The following ELP4 variants were observed in gnomAD, a reference collection of about 807,000 sequenced individuals.
ELP4 encodes the protein elongator acetyltransferase complex subunit 4, also known as elongator complex protein 4.
Under a neutral mutation model 48.9 loss-of-function variants are expected in ELP4, and 51 were observed. The ratio of observed to expected loss-of-function variants is 1.04; its 90% confidence interval spans 0.83 to 1.32. The LOEUF is 1.32. Ranked by LOEUF, ELP4 falls within the 40% of genes most tolerant of loss-of-function variation. The probability of loss-of-function intolerance (pLI) is 0.00; values close to 1 mark genes in which losing one functional copy is unlikely to be tolerated. For synonymous variants in ELP4, 210 were observed against 189.2 expected (o/e 1.11, Z -0.90); for missense variants, 519 against 514.6 (o/e 1.01, Z -0.08).
intron 5 of ELP4, among the ~76,000 whole-genome samples, chr11:31,611,705 G>A (rs1053110683): frequency 6.6e-6 from 1 of 152,192 alleles, no homozygotes; most frequent in African/African-American, 2.4e-5. Context: ...ATTATGCTAA[G>A]TTCTAGATTA....
intron 9 of ELP4, among the ~76,000 whole-genome samples, chr11:31,720,455 C>A (rs559851518): frequency 7.0e-4 from 106 of 152,134 alleles, no homozygotes; most frequent in Middle Eastern, 3.4e-3. Flanking sequence ...TGGTAACCCG[C>A]TGATGCAGGC....
At chr11:31,530,249 A>G (rs900277013) in intron 2 of ELP4, among the ~76,000 whole-genome samples, 33 of 152,334 alleles carry the variant, frequency 2.2e-4, no homozygotes, top group African/African-American at 7.7e-4. Flanking sequence ...TCATGGAAGC[A>G]GCTCCGGATA....
chr11:31,570,028 A>G (rs2133954574), intron 3 of ELP4, among the ~76,000 whole-genome samples: 1 of 152,324 alleles, frequency 6.6e-6, no homozygotes, highest in African/African-American at 2.4e-5. Flanking sequence ...CCGGAGGAAA[A>G]TAAATCATTC....
At chr11:31,725,416 A>T (rs1316211045) in intron 9 of ELP4, among the ~76,000 whole-genome samples, 1 of 152,070 alleles carries the variant, frequency 6.6e-6, no homozygotes, top group Non-Finnish European at 1.5e-5. Context: ...GCCAGGCCAG[A>T]CCATGGTCAT....
intron 9 of ELP4, among the ~76,000 whole-genome samples, chr11:31,667,909 C>A (rs1270825689): frequency 1.3e-5 from 2 of 152,278 alleles, no homozygotes; most frequent in Non-Finnish European, 2.9e-5. Flanking sequence ...TACTCCGTTA[C>A]TCCTCCCAAC....
chr11:31,510,561 A>G, intron 1 of ELP4: 2 of 397,348 alleles, frequency 5.0e-6, no homozygotes, highest in Admixed American at 4.3e-5. Flanking sequence ...TAATCCTTAT[A>G]AAGTATTTTG....
intron 2 of ELP4, among the ~76,000 whole-genome samples, chr11:31,533,779 A>T (rs1371799606): frequency 6.6e-6 from 1 of 152,124 alleles, no homozygotes; most frequent in Non-Finnish European, 1.5e-5. Context: ...GGTGAATGCA[A>T]AGAAATAAGA....
chr11:31,766,959 A>C (rs1205881854), intron 9 of ELP4, among the ~76,000 whole-genome samples: 1 of 152,176 alleles, frequency 6.6e-6, no homozygotes, highest in African/African-American at 2.4e-5. Flanking sequence ...TCATTTATTA[A>C]ATAGCAAAAC....
intron 9 of ELP4, among the ~76,000 whole-genome samples, chr11:31,733,343 G>A (rs1042207388): frequency 6.6e-6 from 1 of 151,890 alleles, no homozygotes; most frequent in African/African-American, 2.4e-5. Flanking sequence ...CAGGAGTGGT[G>A]GCGTACACCT....
At chr11:31,659,493 G>A (rs897041147) in intron 9 of ELP4, among the ~76,000 whole-genome samples, 8 of 152,044 alleles carry the variant, frequency 5.3e-5, no homozygotes, top group African/African-American at 1.9e-4. Flanking sequence ...AAAAATTTCT[G>A]AGTAAATCAG....
intron 9 of ELP4, among the ~76,000 whole-genome samples, chr11:31,738,412 A>T (rs1222813936): frequency 1.3e-5 from 2 of 148,948 alleles, no homozygotes; most frequent in African/African-American, 4.9e-5. Context: ...ATCCTGTCTC[A>T]AAAAAAAATA....
At chr11:31,678,031 C>T (rs182442600) in intron 9 of ELP4, among the ~76,000 whole-genome samples, 10 of 152,202 alleles carry the variant, frequency 6.6e-5, no homozygotes, top group Non-Finnish European at 1.2e-4. Flanking sequence ...TCTTTCCTCC[C>T]TCCCCCAATG....
At chr11:31,672,416 G>A (rs2134108716) in intron 9 of ELP4, among the ~76,000 whole-genome samples, 1 of 152,276 alleles carries the variant, frequency 6.6e-6, no homozygotes, top group African/African-American at 2.4e-5. Flanking sequence ...GCATTTCTTA[G>A]AGATGATATT....
chr11:31,573,007 C>CA (rs1309306108), intron 3 of ELP4, among the ~76,000 whole-genome samples: 1 of 151,714 alleles, frequency 6.6e-6, no homozygotes, highest in Non-Finnish European at 1.5e-5. Flanking sequence ...GACTCTGTCT[C>CA]AAAAAAAGTA....
At chr11:31,575,688 C>A (rs1437369820) in intron 3 of ELP4, among the ~76,000 whole-genome samples, 2 of 152,140 alleles carry the variant, frequency 1.3e-5, no homozygotes, top group East Asian at 1.9e-4. Flanking sequence ...TCCAGCCAAA[C>A]TAAGCTTCAT....
At chr11:31,597,792 C>G (rs1185780030) in intron 4 of ELP4, among the ~76,000 whole-genome samples, 1 of 151,934 alleles carries the variant, frequency 6.6e-6, no homozygotes, top group Non-Finnish European at 1.5e-5. Context: ...GTCTCGAACT[C>G]CTGACCTCAG....
At chr11:31,782,770 C>T (rs188528050) in intron 9 of ELP4, among the ~76,000 whole-genome samples, 137 of 152,138 alleles carry the variant, frequency 9.0e-4, no homozygotes, top group African/African-American at 1.9e-3. Flanking sequence ...TTACCAAGAC[C>T]GGTAATAGAT....
intron 3 of ELP4, among the ~76,000 whole-genome samples, chr11:31,546,928 T>C (rs1191216618): frequency 5.3e-5 from 8 of 152,290 alleles, no homozygotes; most frequent in African/African-American, 1.7e-4. Context: ...AGATGTTCTT[T>C]GAAACCAACG....
chr11:31,764,111 A>C (rs949517869), intron 9 of ELP4, among the ~76,000 whole-genome samples: 3 of 152,186 alleles, frequency 2.0e-5, no homozygotes, highest in Non-Finnish European at 4.4e-5. Flanking sequence ...GTGGGTGTCC[A>C]GTCATGTCAT....
Sources: allele counts gnomAD v4.1 joint callset (sites outside exome capture counted in the v4.1 genomes callset), GRCh38; gene constraint gnomAD v4.1.1; transcripts MANE v1.5; gene names NCBI Gene and HGNC (gene_info 2026-07-23, HGNC 2026-07-21).